CHSY1: variants seen among roughly 807,000 people sequenced by gnomAD.
CHSY1 encodes chondroitin sulfate synthase 1, also known as N-acetylgalactosaminyl-proteoglycan 3-beta-glucuronosyltransferase 1.
CHSY1 carries 13 observed loss-of-function variants against 59.8 expected under a neutral mutation model. The observed-to-expected ratio is 0.22, with a 90% CI of 0.14 to 0.35. The LOEUF (loss-of-function observed/expected upper bound fraction) is 0.35, where lower values mean the gene tolerates loss of function less well. Ranked by LOEUF, CHSY1 falls within the 10% of genes least tolerant of loss-of-function variation. CHSY1 has a pLI of 1.00. For synonymous variants in CHSY1, 459 were observed against 401.2 expected (o/e 1.14, Z -1.72); for missense variants, 947 against 1,030.6 (o/e 0.92, Z 1.11).
intron 1 of CHSY1, among the ~76,000 whole-genome samples, chr15:101,247,979 A>G (rs1303318629): frequency 2.6e-5 from 4 of 152,194 alleles, no homozygotes; most frequent in Admixed American, 6.5e-5. Context: ...ATTCTACACC[A>G]AAGTATCATC....
chr15:101,193,110 T>G (rs2038465806), intron 2 of CHSY1, among the ~76,000 whole-genome samples: 1 of 152,232 alleles, frequency 6.6e-6, no homozygotes, highest in Non-Finnish European at 1.5e-5. Context: ...TTCAGCAACT[T>G]GCTCACACCC....
At chr15:101,228,563 G>C (rs1567103498) in intron 2 of CHSY1, among the ~76,000 whole-genome samples, 1 of 152,034 alleles carries the variant, frequency 6.6e-6, no homozygotes, top group African/African-American at 2.4e-5. Flanking sequence ...TCCATTCAAA[G>C]TGATAAAAGA....
chr15:101,179,381 CGG>C (rs1213060823), intron 2 of CHSY1, among the ~76,000 whole-genome samples: 1 of 152,208 alleles, frequency 6.6e-6, no homozygotes, highest in Non-Finnish European at 1.5e-5. Flanking sequence ...GCAGATCCTG[CGG>C]CTTCTATCTG....
intron 2 of CHSY1, among the ~76,000 whole-genome samples, chr15:101,221,999 T>C (rs2038793637): frequency 6.6e-6 from 1 of 152,196 alleles, no homozygotes; most frequent in Non-Finnish European, 1.5e-5. Flanking sequence ...GAGTGAACGC[T>C]GAAAGATCTT....
Position 101,239,031 on chromosome 15 carries a change from AAGTT to A in CHSY1, c.321-3458_321-3455del, listed in dbSNP as rs2038975509. The stretch of plus-strand genomic sequence containing the variant: ...TTCTCAGAACTCCTCCAGCCTTGGG[AAGTT>A]AGTAAGGACAAAATTATAGTGCAAT... On this transcript the variant is annotated intron_variant, in intron 1 of 2. Coordinates refer to ENST00000254190, the MANE Select transcript of CHSY1 (RefSeq NM_014918.5). 3.9e-5 allele frequency among the ~76,000 whole-genome samples: 6 copies of A among 152,320 alleles called. 1 individual carries two copies. In the South Asian group the frequency reaches 1.2e-3, roughly 32 times the overall value.
intron 2 of CHSY1, among the ~76,000 whole-genome samples, chr15:101,230,702 T>C (rs546563024): frequency 1.3e-5 from 2 of 152,326 alleles, no homozygotes; most frequent in African/African-American, 4.8e-5. Context: ...CCAATTTCCC[T>C]TGATGATATA....
At position 101,201,992 on chromosome 15, in the gene CHSY1, C is replaced by T. The variant is rs144273407; in HGVS notation, c.817-23012G>A. Reference sequence around the variant, plus strand: ...CCCTCAACACACTTCAGCTTTCAATCGGGGCTAAATTATGGGACAGACTGC... The same window carrying T: ...CCCTCAACACACTTCAGCTTTCAATTGGGGCTAAATTATGGGACAGACTGC... On this transcript the variant is annotated intron_variant, in intron 2 of 2. Coordinates refer to ENST00000254190, the MANE Select transcript of CHSY1 (RefSeq NM_014918.5). Among the ~76,000 whole-genome samples the T allele has an allele frequency of 1.6e-4, 25 of 152,342 alleles. No homozygotes were observed. The East Asian group carries it at 4.0e-3, about 25-fold the overall frequency.
chr15:101,237,301 T>C (rs1012754652), intron 1 of CHSY1, among the ~76,000 whole-genome samples: 1 of 150,582 alleles, frequency 6.6e-6, no homozygotes, highest in Non-Finnish European at 1.5e-5. Flanking sequence ...CAGGCCTCTA[T>C]GTTGCAAGAG....
chr15:101,188,017 G>T (rs764734309), intron 2 of CHSY1: 64 of 985,106 alleles, frequency 6.5e-5, no homozygotes, highest in Admixed American at 1.8e-4. Context: ...ATTAGCAAAT[G>T]TCCTTCTTGT....
intron 1 of CHSY1, among the ~76,000 whole-genome samples, chr15:101,247,254 C>T (rs1277506584): frequency 6.6e-6 from 1 of 152,114 alleles, no homozygotes; most frequent in South Asian, 2.1e-4. Context: ...CCGGTCCCTG[C>T]CTTGGGACTT....
At position 101,199,363 on chromosome 15, in the gene CHSY1, C is replaced by G. The variant is rs182849180; in HGVS notation, c.817-20383G>C. Among the ~76,000 whole-genome samples the G allele has an allele frequency of 2.6e-5, 4 of 152,108 alleles. No individual in the cohort carries two copies. In the East Asian group the frequency reaches 7.7e-4, roughly 29 times the overall value. ...CTAAAAATACAAAAAATTAGCCGGGCGTGGTAGCACGCGCCTGTAGTTCCA... is the reference window on the plus strand; with the variant it reads ...CTAAAAATACAAAAAATTAGCCGGGGGTGGTAGCACGCGCCTGTAGTTCCA... On this transcript the variant is annotated intron_variant, in intron 2 of 2. Transcript: ENST00000254190.
chr15:101,231,970 C>G lies in CHSY1; in HGVS notation c.816+3112G>C, dbSNP rs191026540. On this transcript the variant is annotated intron_variant, in intron 2 of 2. Coordinates refer to ENST00000254190, the MANE Select transcript of CHSY1 (RefSeq NM_014918.5). ...CCCAGCCTCCAGGCCTACACTCTCA[C>G]TATCCTCTGACTTCTCTGTGAGTTT... Among the ~76,000 whole-genome samples, 57 of 152,350 alleles carry G rather than the reference C, an allele frequency of 3.7e-4. 1 individual carries two copies. Among genetic ancestry groups the G allele is most frequent in the Middle Eastern group, 3.4e-3 (1 of 294 alleles).
intron 2 of CHSY1, among the ~76,000 whole-genome samples, chr15:101,205,290 TA>T (rs1450650534): frequency 6.6e-6 from 1 of 152,132 alleles, no homozygotes; most frequent in Non-Finnish European, 1.5e-5. Context: ...TTATAACCAA[TA>T]ATTTCCAGTG....
At chr15:101,211,687 GA>G (rs543655612) in intron 2 of CHSY1, among the ~76,000 whole-genome samples, 11 of 151,292 alleles carry the variant, frequency 7.3e-5, no homozygotes, top group Middle Eastern at 3.4e-3. Flanking sequence ...AAATCAAAGA[GA>G]AAAAAAATTT....
At chr15:101,215,426 T>C (rs945009117) in intron 2 of CHSY1, among the ~76,000 whole-genome samples, 1 of 152,222 alleles carries the variant, frequency 6.6e-6, no homozygotes, top group Non-Finnish European at 1.5e-5. Flanking sequence ...TGCTATGGTA[T>C]AGAATCTTCT....
intron 1 of CHSY1, among the ~76,000 whole-genome samples, chr15:101,242,130 G>C (rs1440662714): frequency 6.6e-6 from 1 of 152,152 alleles, no homozygotes; most frequent in Admixed American, 6.5e-5. Flanking sequence ...AGCAGGGCCA[G>C]CTGTATTTAC....
intron 1 of CHSY1, among the ~76,000 whole-genome samples, chr15:101,246,542 G>C (rs9672951): frequency 9.9e-5 from 15 of 151,914 alleles, no homozygotes; most frequent in African/African-American, 3.4e-4. Context: ...ACTGGCACAA[G>C]AACAGACAGA....
intron 2 of CHSY1, among the ~76,000 whole-genome samples, chr15:101,203,882 T>C (rs1019362591): frequency 2.6e-5 from 4 of 152,122 alleles, no homozygotes; most frequent in African/African-American, 9.7e-5. Flanking sequence ...ACATACCATA[T>C]AAATGCTGCA....
intron 2 of CHSY1, among the ~76,000 whole-genome samples, chr15:101,188,754 A>G (rs2038404983): frequency 6.6e-6 from 1 of 152,260 alleles, no homozygotes; most frequent in African/African-American, 2.4e-5. Flanking sequence ...AGGCTTCTGC[A>G]TAAGACTATA....
Sources: gnomAD v4.1 joint callset for allele counts (sites outside exome capture counted in the v4.1 genomes callset) on GRCh38, gnomAD v4.1.1 for gene constraint, MANE v1.5 for transcripts, NCBI Gene and HGNC (gene_info 2026-07-23, HGNC 2026-07-21) for gene names.